The following FGF12 variants were observed in gnomAD, a reference collection of about 807,000 sequenced individuals.
The protein encoded by FGF12 is fibroblast growth factor 12.
FGF12 carries 14 observed loss-of-function variants against 23.6 expected under a neutral mutation model. The observed-to-expected ratio is 0.59, with a 90% CI of 0.39 to 0.93. The LOEUF is 0.93. Among genes scored for constraint, FGF12 ranks in the 40% least tolerant of loss-of-function variants. FGF12 has a pLI of 0.00. For missense variants in FGF12, 175 were observed against 217.8 expected (o/e 0.80, Z 1.24); for synonymous variants, 62 against 77.3 (o/e 0.80, Z 1.04).
chr3:192,584,943 AG>A (rs1713311247), intron 2 of FGF12, among the ~76,000 whole-genome samples: 2 of 152,042 alleles, frequency 1.3e-5, no homozygotes, highest in Non-Finnish European at 1.5e-5. Flanking sequence ...GCTTTTCAAT[AG>A]TGTATGCCAG....
At chr3:192,148,561 G>A (rs184292988) in intron 5 of FGF12, among the ~76,000 whole-genome samples, 2 of 152,212 alleles carry the variant, frequency 1.3e-5, no homozygotes, top group Admixed American at 6.5e-5. Flanking sequence ...TGTACTTAAC[G>A]GCAATGAAAC....
At chr3:192,301,663 TG>T (rs1715356226) in intron 4 of FGF12, among the ~76,000 whole-genome samples, 1 of 152,152 alleles carries the variant, frequency 6.6e-6, no homozygotes, top group Non-Finnish European at 1.5e-5. Flanking sequence ...GAGCACAAAT[TG>T]GCCAGGCAGA....
intron 2 of FGF12, among the ~76,000 whole-genome samples, chr3:192,586,085 C>A (rs1292638889): frequency 6.6e-6 from 1 of 152,048 alleles, no homozygotes; most frequent in Non-Finnish European, 1.5e-5. Flanking sequence ...ACCAAGTGTA[C>A]ATGTGAAAGC....
intron 4 of FGF12, among the ~76,000 whole-genome samples, chr3:192,315,767 CCTACAGCAAGGCCATAAG>C (rs548905861): frequency 6.6e-5 from 10 of 151,978 alleles, no homozygotes; most frequent in Admixed American, 1.3e-4. Flanking sequence ...GAACTGATTT[CCTACAGCAAGGCCATAAG>C]CTACAGCAAG....
intron 2 of FGF12, among the ~76,000 whole-genome samples, chr3:192,524,020 T>A (rs1724883322): frequency 6.6e-6 from 1 of 152,100 alleles, no homozygotes; most frequent in Non-Finnish European, 1.5e-5. Flanking sequence ...ATAAGTCAAC[T>A]CATGGTAGAC....
chr3:192,479,009 T>C (rs2108817995), intron 2 of FGF12, among the ~76,000 whole-genome samples: 1 of 152,318 alleles, frequency 6.6e-6, no homozygotes, highest in Non-Finnish European at 1.5e-5. Flanking sequence ...TTGATCAAAA[T>C]ATGGAAGCCT....
chr3:192,668,108 A>G (rs192568596), intron 2 of FGF12, among the ~76,000 whole-genome samples: 10 of 152,278 alleles, frequency 6.6e-5, no homozygotes, highest in Non-Finnish European at 1.5e-5. Flanking sequence ...CTTTACTAAA[A>G]TGGATAAATG....
chr3:192,359,562 T>G (rs1388151264), intron 3 of FGF12, among the ~76,000 whole-genome samples: 2 of 152,178 alleles, frequency 1.3e-5, no homozygotes, highest in Non-Finnish European at 2.9e-5. Context: ...TAGAATGACA[T>G]GAATTTGCCC....
chr3:192,306,484 G>A (rs1199932312), intron 4 of FGF12, among the ~76,000 whole-genome samples: 1 of 152,146 alleles, frequency 6.6e-6, no homozygotes, highest in Non-Finnish European at 1.5e-5. Context: ...GGGGCATGGT[G>A]GCTCACACTT....
intron 2 of FGF12, among the ~76,000 whole-genome samples, chr3:192,648,269 T>C (rs1464356794): frequency 1.3e-5 from 2 of 152,112 alleles, no homozygotes; most frequent in African/African-American, 4.8e-5. Flanking sequence ...ACAGAAATGG[T>C]CTATAACAAC....
intron 2 of FGF12, among the ~76,000 whole-genome samples, chr3:192,431,556 G>C (rs1052678182): frequency 1.3e-5 from 2 of 152,168 alleles, no homozygotes; most frequent in African/African-American, 4.8e-5. Context: ...ATGACAGGGA[G>C]AAGTGGAAAA....
chr3:192,156,541 G>A (rs1293211557), intron 5 of FGF12, among the ~76,000 whole-genome samples: 1 of 152,118 alleles, frequency 6.6e-6, no homozygotes, highest in African/African-American at 2.4e-5. Context: ...AAAGATGCAA[G>A]GCCTGCAAGA....
chr3:192,480,620 C>T (rs545145956), intron 2 of FGF12, among the ~76,000 whole-genome samples: 1 of 152,192 alleles, frequency 6.6e-6, no homozygotes, highest in African/African-American at 2.4e-5. Context: ...TTGCTAAATG[C>T]AGAAAGCATG....
At chr3:192,185,860 A>T (rs951839745) in intron 4 of FGF12, among the ~76,000 whole-genome samples, 2 of 151,574 alleles carry the variant, frequency 1.3e-5, no homozygotes, top group African/African-American at 2.4e-5. Context: ...CTCCGTCTAA[A>T]AAAAAAAAAA....
Position 192,570,884 on chromosome 3 carries a change from C to T in FGF12, c.13+156297G>A, listed in dbSNP as rs914326988. 3.9e-5 allele frequency among the ~76,000 whole-genome samples: 6 copies of T among 152,252 alleles called. 1 individual carries two copies. The South Asian group carries it at 1.2e-3, about 32-fold the overall frequency. On this transcript the variant is annotated intron_variant, in intron 2 of 5. Transcript: ENST00000445105. The stretch of plus-strand genomic sequence containing the variant: ...AGCACATCCCTTTTTAATAACTATT[C>T]TAAGCTGGAAGCTCACTTTCTGGCA...
Position 192,392,590 on chromosome 3 carries a change from CCGAGAGAG to C in FGF12, c.14-32060_14-32053del, listed in dbSNP as rs1209467368. On this transcript the variant is annotated intron_variant, in intron 2 of 5. Transcript: ENST00000445105. ...CAGCCTGGGCAACAAAAGTGAAACT[CCGAGAGAG>C]AGAGAGAGAGAGAGAGAGAGAGAGA... Among the ~76,000 whole-genome samples, 121 of 89,100 alleles carry C rather than the reference CCGAGAGAG, an allele frequency of 1.4e-3. 3 individuals carry two copies. Among genetic ancestry groups the C allele is most frequent in the South Asian group, 8.5e-3 (17 of 1,992 alleles). 58.5% of individuals were successfully genotyped at this position (89,100 alleles called of 152,430 possible).
chr3:192,610,237 C>T (rs1328815845), intron 2 of FGF12, among the ~76,000 whole-genome samples: 3 of 151,998 alleles, frequency 2.0e-5, no homozygotes, highest in Non-Finnish European at 4.4e-5. Flanking sequence ...GATTCTTTCA[C>T]TCATTGGTCA....
In FGF12 at chr3:192,408,298, G is replaced by T; in HGVS notation, c.14-47760C>A. 1.4e-6 allele frequency: 2 copies of T among 1,465,060 alleles called. No individual in the cohort carries two copies. The highest frequency in any genetic ancestry group is 5.1e-5 in the Admixed American group (2 of 39,082). 90.8% of individuals were successfully genotyped at this position (1,465,060 alleles called of 1,614,324 possible). On this transcript the variant is annotated intron_variant, in intron 2 of 5. Transcript: ENST00000445105. This position sits in a 1 kb window ranked among gnomAD's most constrained non-coding sequence, Gnocchi z 7.3. Reference sequence around the variant, plus strand: ...TTGCGCTCCGCCGGGGCGAGGGCAGGACCTGGGCGGCCAGGGAAAGGGCAG... The same window carrying T: ...TTGCGCTCCGCCGGGGCGAGGGCAGTACCTGGGCGGCCAGGGAAAGGGCAG...
chr3:192,290,243 T>C (rs1351292616), intron 4 of FGF12, among the ~76,000 whole-genome samples: 1 of 152,196 alleles, frequency 6.6e-6, no homozygotes, highest in Non-Finnish European at 1.5e-5. Context: ...GTTAATTAGT[T>C]TGACTTATTC....
Sources: gnomAD v4.1 joint callset for allele counts (sites outside exome capture counted in the v4.1 genomes callset) on GRCh38, gnomAD v4.1.1 for gene constraint, Gnocchi (gnomAD v3.1) non-coding constraint, MANE v1.5 for transcripts, NCBI Gene and HGNC (gene_info 2026-07-23, HGNC 2026-07-21) for gene names.